The following CSF2RB variants were observed in gnomAD, a reference collection of about 807,000 sequenced individuals.
The protein encoded by CSF2RB is cytokine receptor common subunit beta.
CSF2RB carries 22 observed loss-of-function variants against 67.2 expected under a neutral mutation model. That is an observed-to-expected ratio of 0.33 (90% CI 0.23 to 0.47). The LOEUF (loss-of-function observed/expected upper bound fraction) is 0.47, where lower values mean the gene tolerates loss of function less well. Ranked by LOEUF, CSF2RB falls within the 20% of genes least tolerant of loss-of-function variation. The probability of loss-of-function intolerance (pLI) is 1.00; values close to 1 mark genes in which losing one functional copy is unlikely to be tolerated. For missense variants in CSF2RB, 1,113 were observed against 1,174.5 expected (o/e 0.95, Z 0.76); for synonymous variants, 507 against 482.9 (o/e 1.05, Z -0.65).
Position 36,937,840 on chromosome 22 carries a change from G to C in CSF2RB, c.2032G>C (p.Ala678Pro). The change falls in exon 14 of 14, where the codon GCT becomes CCT. Residue 678 changes from alanine (A) to proline (P), a missense_variant. Ala to Pro is a conservative substitution (Grantham distance 27, BLOSUM62 -1). Around this residue, in one of 2 missense-constraint regions of CSF2RB, gnomAD observed 554 missense variants for 517.9 expected, o/e 1.07. Transcript: ENST00000403662. This position sits in a 1 kb window ranked among gnomAD's most constrained non-coding sequence, Gnocchi z 4.6. ...GTCCGGGGGAGGCCCTGCCCCTCCT[G>C]CTCTTGGGCCAAGGGTGGGAGGACA... ...LESGGGPAPP[A>P]LGPRVGGQDQ... 1 of 1,612,850 alleles carries C rather than the reference G, an allele frequency of 6.2e-7. No individual in the cohort carries two copies. Among genetic ancestry groups the C allele is most frequent in the Non-Finnish European group, 8.5e-7 (1 of 1,179,536 alleles).
intron 2 of CSF2RB, among the ~76,000 whole-genome samples, 154 bp from the exon 3 acceptor site, chr22:36,923,090 C>T (rs954088034): frequency 6.6e-6 from 1 of 152,224 alleles, no homozygotes; most frequent in Non-Finnish European, 1.5e-5. Flanking sequence ...CCCCGGCAGA[C>T]ATGAACACAT....
intron 12 of CSF2RB, 97 bp from the exon 13 acceptor site, chr22:36,936,452 G>A: frequency 4.4e-6 from 4 of 905,110 alleles, no homozygotes; most frequent in Non-Finnish European, 7.2e-6. Flanking sequence ...TCTTGTCTGG[G>A]GGCTCCTTGA....
chr22:36,924,587 T>C (rs1160534739), intron 3 of CSF2RB, among the ~76,000 whole-genome samples: 3 of 152,150 alleles, frequency 2.0e-5, no homozygotes, highest in African/African-American at 7.2e-5. Context: ...CCACGTCCAG[T>C]GTCTTTCCAG....
rs1164381795 is a variant in CSF2RB at position 36,938,050 on chromosome 22, C to T, written c.2242C>T (p.Leu748=). The T allele has an allele frequency of 5.6e-6, 9 of 1,614,118 alleles. No individual in the cohort carries two copies. Among genetic ancestry groups the T allele is most frequent in the Non-Finnish European group, 5.9e-6 (7 of 1,180,014 alleles). Residue 748 remains leucine, a synonymous_variant, in exon 14 of 14, where the codon CTG becomes TTG. Transcript: ENST00000403662. ...CCAGACCCCCAGCTTATGTCCTGGG[C>T]TGGCCAGTGGACCCCCTGGAGCCCC... is the stretch of plus-strand genomic sequence containing the variant. ...SDQTPSLCPG[L]ASGPPGAPGP...
Position 36,929,406 on chromosome 22 carries a change from G to A in CSF2RB, c.396G>A (p.Gln132=), listed in dbSNP as rs1421783685. ...RLTVTLTQHV[Q]PPEPRDLQIS... ...CCTTCACTTCCTCCCCTCCAGTCCAGCCTCCTGAGCCCAGGGACCTGCAGA... is the reference window on the plus strand; with the variant it reads ...CCTTCACTTCCTCCCCTCCAGTCCAACCTCCTGAGCCCAGGGACCTGCAGA... Residue 132 remains glutamine (Q), a synonymous_variant, in exon 5 of 14, where the codon CAG becomes CAA. Coordinates refer to ENST00000403662, the MANE Select transcript of CSF2RB (RefSeq NM_000395.3). 3 of 1,614,144 alleles carry A rather than the reference G, an allele frequency of 1.9e-6. No individual in the cohort carries two copies. Among genetic ancestry groups the A allele is most frequent in the Non-Finnish European group, 2.5e-6 (3 of 1,180,016 alleles).
chr22:36,935,467 G>T, intron 11 of CSF2RB, 26 bp downstream of exon 11: 1 of 1,611,998 alleles, frequency 6.2e-7, no homozygotes, highest in South Asian at 1.1e-5. Context: ...GGGGCTGGAG[G>T]TGGCAGCCGA....
rs78939927 is a variant in CSF2RB, at chr22:36,924,605, C to T, written c.200+1238C>T. On this transcript the variant is annotated intron_variant, in intron 3 of 13. Transcript: ENST00000403662. Reference sequence around the variant, plus strand: ...CGTCCAGTGTCTTTCCAGCCATTTCCTCCTGGGCCCACTCCCCTAGGATGC... The same window carrying T: ...CGTCCAGTGTCTTTCCAGCCATTTCTTCCTGGGCCCACTCCCCTAGGATGC... Among the ~76,000 whole-genome samples the T allele has an allele frequency of 5.6e-3, 846 of 152,248 alleles. 9 individuals are homozygous for T. The highest frequency in any genetic ancestry group is 0.02 in the African/African-American group (811 of 41,538).
rs1186098513 is a variant in CSF2RB, at chr22:36,938,344, C to T, written c.2536C>T (p.Pro846Ser). Reference protein sequence around the residue: ...RSKPSSPGPGPEIKNLDQAFQ... With the variant: ...RSKPSSPGPGSEIKNLDQAFQ... ...TAAACCTTCTTCCCCGGGACCCGGTCCTGAGATCAAGAACCTAGACCAGGC... is the reference window on the plus strand; with the variant it reads ...TAAACCTTCTTCCCCGGGACCCGGTTCTGAGATCAAGAACCTAGACCAGGC... Residue 846 changes from proline (P) to serine (S), a missense_variant, in exon 14 of 14, where the codon CCT (proline) becomes TCT (serine). By Grantham distance (74) the Pro-to-Ser change is moderately conservative. Around this residue, in one of 2 missense-constraint regions of CSF2RB, gnomAD observed 554 missense variants for 517.9 expected, o/e 1.07. Transcript: ENST00000403662. The T allele has an allele frequency of 1.9e-6, 3 of 1,614,212 alleles. No individual in the cohort carries two copies. Among genetic ancestry groups the T allele is most frequent in the Non-Finnish European group, 2.5e-6 (3 of 1,180,038 alleles).
In CSF2RB at chr22:36,914,658, G is replaced by A. The variant is rs530895873; in HGVS notation, c.-173+981G>A. 3.4e-4 allele frequency among the ~76,000 whole-genome samples: 51 copies of A among 152,230 alleles called. 1 individual carries two copies. In the East Asian group the frequency reaches 9.6e-3, roughly 29 times the overall value. On this transcript the variant is annotated intron_variant, in intron 1 of 13. Coordinates refer to ENST00000403662, the MANE Select transcript of CSF2RB (RefSeq NM_000395.3). ...GGTGCTAGCGACAAGCTGCATATGTGCAATTTTTAGTCTTCAAAAACCCTG... is the reference window on the plus strand; with the variant it reads ...GGTGCTAGCGACAAGCTGCATATGTACAATTTTTAGTCTTCAAAAACCCTG...
chr22:36,924,420 C>T (rs1406700404), intron 3 of CSF2RB, among the ~76,000 whole-genome samples: 1 of 152,206 alleles, frequency 6.6e-6, no homozygotes, highest in African/African-American at 2.4e-5. Flanking sequence ...TGCCCTCTCC[C>T]AGGATCTTTC....
Position 36,922,148 on chromosome 22 carries a change from C to T in CSF2RB, c.-60C>T. 1 of 1,470,260 alleles carries T rather than the reference C, an allele frequency of 6.8e-7. No homozygotes were observed. Among genetic ancestry groups the T allele is most frequent in the Non-Finnish European group, 9.3e-7 (1 of 1,078,814 alleles). The allele number at this position is 1,470,260 out of a possible 1,614,324, so 91.1% of individuals were successfully genotyped here. ...GACTTCAGGACACTAAGGACCCTGT[C>T]ATGCCCATGGCCAGCACCCACCAGT... On this transcript the variant is annotated 5_prime_UTR_variant, in exon 2 of 14. Transcript: ENST00000403662.
intron 1 of CSF2RB, among the ~76,000 whole-genome samples, chr22:36,918,798 G>C (rs1047868482): frequency 4.6e-5 from 7 of 152,242 alleles, no homozygotes; most frequent in African/African-American, 2.4e-5. Context: ...TTTCAGGCTA[G>C]TATGGTTGCT....
rs1010997084 is a variant in CSF2RB at position 36,939,621 on chromosome 22, G to A, written c.*1119G>A. ...TGCACATATTTTTATAGGTATCTTA[G>A]GCATCGATTGGTATTTTTTAACTGG... is the stretch of plus-strand genomic sequence containing the variant. On this transcript the variant is annotated 3_prime_UTR_variant, in exon 14 of 14. Transcript: ENST00000403662. The A allele has an allele frequency of 5.0e-6, 1 of 199,776 alleles. No homozygotes were observed. Among genetic ancestry groups the A allele is most frequent in the Non-Finnish European group, 1.1e-5 (1 of 95,178 alleles). 12.4% of individuals were successfully genotyped at this position (199,776 alleles called of 1,614,324 possible).
At chr22:36,925,527 C>T (rs116389538) in intron 3 of CSF2RB, among the ~76,000 whole-genome samples, 223 of 152,338 alleles carry the variant, frequency 1.5e-3, no homozygotes, top group African/African-American at 5.0e-3. Flanking sequence ...ATCACACGCT[C>T]TACTCCCTGC....
chr22:36,936,114 T>C (rs1294495289), intron 12 of CSF2RB, among the ~76,000 whole-genome samples: 1 of 152,068 alleles, frequency 6.6e-6, no homozygotes, highest in Non-Finnish European at 1.5e-5. Flanking sequence ...ACAGAAACCC[T>C]TCAGGAAGGG....
rs528872669 is a variant in CSF2RB at position 36,935,392 on chromosome 22, A to G, written c.1357A>G (p.Thr453Ala). 1 of 1,613,954 alleles carries G rather than the reference A, an allele frequency of 6.2e-7. No individual in the cohort carries two copies. Among genetic ancestry groups the G allele is most frequent in the African/African-American group, 1.3e-5 (1 of 74,926 alleles). ...WVLALIVIFL[T>A]IAVLLALRFC... Reference sequence around the variant, plus strand: ...GCTGGCCCTCATCGTGATCTTCCTCACCATCGCTGTGCTCCTGGCCCTCCG... The same window carrying G: ...GCTGGCCCTCATCGTGATCTTCCTCGCCATCGCTGTGCTCCTGGCCCTCCG... The change falls in exon 11 of 14, where the codon ACC becomes GCC. Residue 453 changes from threonine to alanine, a missense_variant. Coordinates refer to ENST00000403662, the MANE Select transcript of CSF2RB (RefSeq NM_000395.3).
intron 3 of CSF2RB, 67 bp from the exon 4 acceptor site, chr22:36,925,920 T>G: frequency 6.4e-7 from 1 of 1,554,372 alleles, no homozygotes; most frequent in South Asian, 1.1e-5. Context: ...TGGTGAGCAC[T>G]CGAGGAACCT....
Position 36,923,287 on chromosome 22 carries a change from C to G in CSF2RB, c.120C>G (p.Thr40=), listed in dbSNP as rs1414675635. The change falls in exon 3 of 14, where the codon ACC becomes ACG. Residue 40 remains threonine, a synonymous_variant. Coordinates refer to ENST00000403662, the MANE Select transcript of CSF2RB (RefSeq NM_000395.3). ...CCCTGCGCTGCTACAACGACTACAC[C>G]AGCCACATCACCTGCAGGTGGGCAG... ...LQTLRCYNDY[T]SHITCRWADT... 1 of 1,614,240 alleles carries G rather than the reference C, an allele frequency of 6.2e-7. No individual in the cohort carries two copies. Among genetic ancestry groups the G allele is most frequent in the East Asian group, 2.2e-5 (1 of 44,880 alleles).
At position 36,938,267 on chromosome 22, in the gene CSF2RB, G is replaced by A. The variant is rs1941318514; in HGVS notation, c.2459G>A (p.Gly820Asp). 3 of 1,614,074 alleles carry A rather than the reference G, an allele frequency of 1.9e-6. No homozygotes were observed. The highest frequency in any genetic ancestry group is 1.7e-5 in the Admixed American group (1 of 60,006). Residue 820 changes from glycine to aspartate, a missense_variant, in exon 14 of 14, where the codon GGC (glycine) becomes GAC (aspartate). Gly to Asp is a moderately conservative substitution (Grantham distance 94, BLOSUM62 -1). This residue lies in a region of CSF2RB where 554 missense variants were observed against 517.9 expected (regional missense o/e 1.07). Transcript: ENST00000403662. ...PEGLLVLQQVGDYCFLPGLGP... is the reference protein window; with the variant it reads ...PEGLLVLQQVDDYCFLPGLGP... Reference sequence around the variant, plus strand: ...GGCCTCCTTGTCCTGCAGCAAGTGGGCGACTATTGCTTCCTCCCCGGCCTG... The same window carrying A: ...GGCCTCCTTGTCCTGCAGCAAGTGGACGACTATTGCTTCCTCCCCGGCCTG...
Sources: gnomAD v4.1 joint callset for allele counts (sites outside exome capture counted in the v4.1 genomes callset) on GRCh38, gnomAD v4.1.1 for gene constraint, gnomAD v4.1.1 regional missense constraint, Gnocchi (gnomAD v3.1) non-coding constraint, MANE v1.5 for transcripts, NCBI Gene and HGNC (gene_info 2026-07-23, HGNC 2026-07-21) for gene names.